RELCH: variants seen among roughly 807,000 people sequenced by gnomAD.
RELCH encodes the protein RAB11-binding protein RELCH.
In RELCH, 41 loss-of-function variants were observed where a neutral mutation model predicts 150.3. That is an observed-to-expected ratio of 0.27 (90% CI 0.21 to 0.35). RELCH has a LOEUF of 0.35. Among genes scored for constraint, RELCH ranks in the 10% least tolerant of loss-of-function variants. The probability of loss-of-function intolerance (pLI) is 1.00; values close to 1 mark genes in which losing one functional copy is unlikely to be tolerated. For missense variants in RELCH, 1,092 were observed against 1,467.8 expected (o/e 0.74, Z 4.18); for synonymous variants, 478 against 531.8 (o/e 0.90, Z 1.39).
At chr18:62,290,425 G>A (rs2045054526) in intron 26 of RELCH, among the ~76,000 whole-genome samples, 1 of 152,194 alleles carries the variant, frequency 6.6e-6, no homozygotes, top group African/African-American at 2.4e-5. Flanking sequence ...CAGCTACTTG[G>A]GAGGCTGAGG....
chr18:62,272,165 C>T (rs2043939553), intron 20 of RELCH, among the ~76,000 whole-genome samples: 1 of 152,064 alleles, frequency 6.6e-6, no homozygotes, highest in Admixed American at 6.6e-5. Flanking sequence ...GATTTTAAGT[C>T]ATGTATGTTA....
chr18:62,227,385 A>G lies in RELCH; in HGVS notation c.955A>G (p.Lys319Glu), dbSNP rs2041282084. 1 of 1,612,780 alleles carries G rather than the reference A, an allele frequency of 6.2e-7. No individual in the cohort carries two copies. Among genetic ancestry groups the G allele is most frequent in the Admixed American group, 1.7e-5 (1 of 59,874 alleles). Residue 319 changes from lysine (K) to glutamate (E), a missense_variant, in exon 6 of 29, where the codon AAA (lysine) becomes GAA (glutamate). This residue lies in a region of RELCH where 57 missense variants were observed against 41.5 expected (regional missense o/e 1.37). Transcript: ENST00000644646. The stretch of plus-strand genomic sequence containing the variant: ...TTTTGGAAATCATCAAGTAACTGGA[A>G]AAGATCTTGTAGATGTGGCCAGTGG... ...RDFGNHQVTG[K>E]DLVDVASGVE...
intron 27 of RELCH, 22 bp downstream of exon 27, chr18:62,291,653 T>C (rs1393095670): frequency 1.3e-6 from 2 of 1,494,108 alleles, no homozygotes; most frequent in Admixed American, 1.7e-5. Context: ...TGATTACCAG[T>C]GCCATATTCA....
At position 62,232,882 on chromosome 18, in the gene RELCH, C is replaced by T. The variant is rs140537630; in HGVS notation, c.1620+455C>T. Reference sequence around the variant, plus strand: ...TAGTCATAAATGTACTTGTAGTTGCCGATTATAAATGTGTTATTATGCTTG... The same window carrying T: ...TAGTCATAAATGTACTTGTAGTTGCTGATTATAAATGTGTTATTATGCTTG... On this transcript the variant is annotated intron_variant, in intron 10 of 28. Transcript: ENST00000644646. 2.1e-3 allele frequency among the ~76,000 whole-genome samples: 320 copies of T among 151,894 alleles called. 4 individuals carry two copies. Among genetic ancestry groups the T allele is most frequent in the African/African-American group, 7.4e-3 (307 of 41,490 alleles).
intron 27 of RELCH, among the ~76,000 whole-genome samples, chr18:62,293,523 A>G (rs373674287): frequency 3.9e-5 from 6 of 152,090 alleles, no homozygotes; most frequent in African/African-American, 1.4e-4. Context: ...CTTTACTTAG[A>G]ATTAATTTAT....
At chr18:62,263,065 T>C (rs975719318) in intron 16 of RELCH, among the ~76,000 whole-genome samples, 5 of 152,046 alleles carry the variant, frequency 3.3e-5, no homozygotes, top group African/African-American at 4.8e-5. Flanking sequence ...TCCCTTCTTA[T>C]AAGGACATCG....
chr18:62,261,803 A>G, intron 16 of RELCH, 145 bp downstream of exon 16: 1 of 634,494 alleles, frequency 1.6e-6, no homozygotes, highest in South Asian at 2.4e-5. Flanking sequence ...TCTCATGGTC[A>G]TAAGATTATA....
At chr18:62,220,881 G>A (rs2040822489) in intron 2 of RELCH, 156 bp from the exon 3 acceptor site, 1 of 678,404 alleles carries the variant, frequency 1.5e-6, no homozygotes, top group South Asian at 1.7e-5. Flanking sequence ...CAACTCTGCT[G>A]CATGCGTTCA....
intron 26 of RELCH, among the ~76,000 whole-genome samples, chr18:62,288,917 G>A (rs957580551): frequency 1.3e-5 from 2 of 152,104 alleles, no homozygotes; most frequent in African/African-American, 4.8e-5. Flanking sequence ...GAAAACATTG[G>A]TGTGTTTAAT....
intron 15 of RELCH, among the ~76,000 whole-genome samples, chr18:62,261,142 C>T (rs1025434782): frequency 6.6e-6 from 1 of 151,930 alleles, no homozygotes; most frequent in Non-Finnish European, 1.5e-5. Context: ...ATCAAAATAT[C>T]TCATGGTACC....
At chr18:62,252,887 A>C (rs903481363) in intron 12 of RELCH, 133 bp downstream of exon 12, 5 of 670,104 alleles carry the variant, frequency 7.5e-6, no homozygotes, top group Middle Eastern at 3.1e-4. Flanking sequence ...AGCCCAGCAC[A>C]GTGATTTATT....
rs2045634726 is a variant in RELCH, at chr18:62,300,888, C to A, written c.3530+2028C>A. The A allele has an allele frequency of 2.6e-5, 4 of 152,164 alleles. No homozygotes were observed. The South Asian group carries it at 8.3e-4, about 32-fold the overall frequency. 9.4% of individuals were successfully genotyped at this position (152,164 alleles called of 1,614,324 possible). On this transcript the variant is annotated intron_variant, in intron 28 of 28. Coordinates refer to ENST00000644646, the MANE Select transcript of RELCH (RefSeq NM_001346231.2). ...AAATGTATGCATAACTATTTTGGTA[C>A]CCTTCTTATATTCATTCAGCAGTAA... is the stretch of plus-strand genomic sequence containing the variant.
intron 1 of RELCH, among the ~76,000 whole-genome samples, chr18:62,199,056 TTATTA>T (rs1050395517): frequency 6.6e-5 from 10 of 150,942 alleles, no homozygotes; most frequent in South Asian, 2.1e-4. Flanking sequence ...ATATTTATAT[TTATTA>T]TATTATATTA....
intron 11 of RELCH, among the ~76,000 whole-genome samples, chr18:62,251,186 C>G (rs1030863761): frequency 2.6e-5 from 4 of 152,196 alleles, no homozygotes; most frequent in Non-Finnish European, 5.9e-5. Flanking sequence ...CATCTTTTAT[C>G]TTACAGTTTC....
intron 1 of RELCH, among the ~76,000 whole-genome samples, chr18:62,207,345 T>G (rs1018290833): frequency 2.0e-5 from 3 of 152,254 alleles, no homozygotes; most frequent in Non-Finnish European, 4.4e-5. Flanking sequence ...TCCTTTTTAT[T>G]GCTGAATAAC....
intron 10 of RELCH, chr18:62,234,782 A>C (rs1287197576): frequency 6.6e-6 from 1 of 151,694 alleles, no homozygotes; most frequent in African/African-American, 2.4e-5. Context: ...TTGATTGTTT[A>C]TCTTCATGTT....
At chr18:62,289,251 G>A (rs2044983931) in intron 26 of RELCH, among the ~76,000 whole-genome samples, 1 of 152,172 alleles carries the variant, frequency 6.6e-6, no homozygotes, top group South Asian at 2.1e-4. Flanking sequence ...AAAAGTGTTA[G>A]TTCTACATGA....
intron 1 of RELCH, 152 bp from the exon 2 acceptor site, chr18:62,211,001 A>G (rs1218630426): frequency 2.1e-6 from 1 of 480,836 alleles, no homozygotes; most frequent in Non-Finnish European, 3.6e-6. Context: ...TGCTGTGAGC[A>G]TTTTTACTTT....
At chr18:62,272,572 T>C (rs1409301827) in intron 20 of RELCH, among the ~76,000 whole-genome samples, 3 of 152,084 alleles carry the variant, frequency 2.0e-5, no homozygotes, top group Non-Finnish European at 4.4e-5. Context: ...CAATCACAGA[T>C]TGCCAGTGTT....
Sources: gnomAD v4.1 joint callset for allele counts (sites outside exome capture counted in the v4.1 genomes callset) on GRCh38, gnomAD v4.1.1 for gene constraint, gnomAD v4.1.1 regional missense constraint, MANE v1.5 for transcripts, NCBI Gene and HGNC (gene_info 2026-07-23, HGNC 2026-07-21) for gene names.